The following LIN7A variants were observed in gnomAD, a reference collection of about 807,000 sequenced individuals.
LIN7A encodes the protein lin-7 cell polarity scaffold A.
LIN7A carries 25 observed loss-of-function variants against 29.8 expected under a neutral mutation model. The ratio of observed to expected loss-of-function variants is 0.84; its 90% CI spans 0.61 to 1.17. The LOEUF is 1.17. Ranked by LOEUF, LIN7A falls within the 50% of genes most tolerant of loss-of-function variation. The probability of loss-of-function intolerance (pLI) is 0.00; values close to 1 mark genes in which losing one functional copy is unlikely to be tolerated. For synonymous variants in LIN7A, 118 were observed against 107.5 expected, an observed-to-expected ratio of 1.10 and a Z score of -0.60; for missense variants, 239 against 287.0, an observed-to-expected ratio of 0.83 and a Z score of 1.21.
intron 2 of LIN7A, among the ~76,000 whole-genome samples, chr12:80,856,737 A>G (rs1259062912): frequency 6.6e-6 from 1 of 152,176 alleles, no homozygotes; most frequent in Non-Finnish European, 1.5e-5. Context: ...TCTTCAAGAA[A>G]CAAAATCAGC....
intron 2 of LIN7A, among the ~76,000 whole-genome samples, chr12:80,869,765 T>A (rs1353810676): frequency 6.6e-6 from 1 of 152,160 alleles, no homozygotes; most frequent in Non-Finnish European, 1.5e-5. Flanking sequence ...TTTTTTTCTT[T>A]TTTTGCAAAT....
At chr12:80,868,779 A>G (rs7310349) in intron 2 of LIN7A, among the ~76,000 whole-genome samples, 52,445 of 152,090 alleles carry the variant, frequency 0.34, 10,618 homozygotes, top group African/African-American at 0.57. Context: ...AACTGAAGAT[A>G]AACTATGTAG....
intron 4 of LIN7A, among the ~76,000 whole-genome samples, chr12:80,817,555 ACAT>A (rs1871594787): frequency 6.6e-6 from 1 of 152,198 alleles, no homozygotes. Context: ...CTCCTAAAAA[ACAT>A]CAGTCATTCC....
At chr12:80,842,516 T>A (rs766078461) in intron 4 of LIN7A, among the ~76,000 whole-genome samples, 8 of 152,178 alleles carry the variant, frequency 5.3e-5, no homozygotes, top group Non-Finnish European at 1.2e-4. Context: ...TAGAATGGCA[T>A]GTTCTGAAAA....
Position 80,793,321 on chromosome 12 carries a change from T to C in LIN7A, c.*4406A>G, listed in dbSNP as rs1870293298. On this transcript the variant is annotated 3_prime_UTR_variant, in exon 6 of 6. Coordinates refer to ENST00000552864, the MANE Select transcript of LIN7A (RefSeq NM_004664.4). Reference sequence around the variant, plus strand: ...AAATGTTAGTTATGAATAAATTACTTACCTACCTCACTGGGGTATAACCGT... The same window carrying C: ...AAATGTTAGTTATGAATAAATTACTCACCTACCTCACTGGGGTATAACCGT... 1 of 152,220 alleles carries C rather than the reference T, an allele frequency of 6.6e-6. No individual in the cohort carries two copies. The highest frequency in any genetic ancestry group is 6.5e-5 in the Admixed American group (1 of 15,288). 9.4% of individuals were successfully genotyped at this position (152,220 alleles called of 1,614,324 possible). A position where few individuals can be genotyped will look rare whatever the true frequency, so the allele number is the denominator to read the frequency against.
At chr12:80,877,290 T>C (rs1327953087) in intron 2 of LIN7A, among the ~76,000 whole-genome samples, 1 of 152,054 alleles carries the variant, frequency 6.6e-6, no homozygotes, top group Non-Finnish European at 1.5e-5. Context: ...TGTCCATCTA[T>C]AAGAGACAGT....
chr12:80,914,815 A>T (rs1399656481), intron 1 of LIN7A, among the ~76,000 whole-genome samples: 2 of 152,122 alleles, frequency 1.3e-5, no homozygotes, highest in African/African-American at 2.4e-5. Context: ...CTGAGGTAAG[A>T]GGATCTCTTG....
chr12:80,897,474 T>G (rs1231272183), intron 1 of LIN7A, among the ~76,000 whole-genome samples: 3 of 152,164 alleles, frequency 2.0e-5, no homozygotes, highest in East Asian at 3.8e-4. Flanking sequence ...CTCCTATCAA[T>G]TTTGGTGTCC....
At chr12:80,899,812 A>G in intron 1 of LIN7A, among the ~76,000 whole-genome samples, 1 of 113,812 alleles carries the variant, frequency 8.8e-6, no homozygotes, top group South Asian at 3.0e-4. Flanking sequence ...TCTGTTGCCC[A>G]GGCTGGAGTG....
At chr12:80,860,751 C>G (rs1418132560) in intron 2 of LIN7A, among the ~76,000 whole-genome samples, 1 of 152,226 alleles carries the variant, frequency 6.6e-6, no homozygotes, top group Non-Finnish European at 1.5e-5. Context: ...TGCAGATACT[C>G]TTGATGCCCA....
intron 1 of LIN7A, among the ~76,000 whole-genome samples, chr12:80,936,059 G>A (rs1373084914): frequency 6.6e-6 from 1 of 152,108 alleles, no homozygotes; most frequent in East Asian, 1.9e-4. Flanking sequence ...GACAATATAA[G>A]AGCTCATTAC....
intron 1 of LIN7A, among the ~76,000 whole-genome samples, chr12:80,892,190 T>C (rs1307712181): frequency 1.3e-5 from 2 of 152,208 alleles, no homozygotes. Flanking sequence ...AAACAAAATA[T>C]CTCATTCATT....
At chr12:80,833,636 G>A (rs751105660) in intron 4 of LIN7A, among the ~76,000 whole-genome samples, 3 of 152,166 alleles carry the variant, frequency 2.0e-5, no homozygotes, top group Non-Finnish European at 2.9e-5. Flanking sequence ...CTTCCATGAT[G>A]TGGCTCAAGC....
intron 4 of LIN7A, among the ~76,000 whole-genome samples, chr12:80,838,662 C>T (rs1365831632): frequency 6.6e-6 from 1 of 152,182 alleles, no homozygotes; most frequent in African/African-American, 2.4e-5. Context: ...TAAACAGTCC[C>T]CCACTCAGCT....
intron 5 of LIN7A, among the ~76,000 whole-genome samples, chr12:80,803,131 G>A (rs577777187): frequency 6.6e-6 from 1 of 152,174 alleles, no homozygotes; most frequent in Admixed American, 6.5e-5. Flanking sequence ...AAGCTGTTTA[G>A]TTGGGTAGAA....
chr12:80,839,625 A>G (rs1384612977), intron 4 of LIN7A, among the ~76,000 whole-genome samples: 1 of 152,236 alleles, frequency 6.6e-6, no homozygotes, highest in Non-Finnish European at 1.5e-5. Context: ...GTTCCGACAC[A>G]GATAAATAAG....
intron 2 of LIN7A, among the ~76,000 whole-genome samples, chr12:80,849,350 C>T (rs950049984): frequency 3.3e-5 from 5 of 152,092 alleles, no homozygotes; most frequent in African/African-American, 1.2e-4. Flanking sequence ...ACAGCCTTTC[C>T]AAAAATAAAT....
chr12:80,864,440 T>C (rs1874037886), intron 2 of LIN7A, among the ~76,000 whole-genome samples: 1 of 152,220 alleles, frequency 6.6e-6, no homozygotes. Flanking sequence ...TTTGAATTTT[T>C]TGTTTTGAAA....
At chr12:80,870,088 C>T (rs1874352310) in intron 2 of LIN7A, among the ~76,000 whole-genome samples, 1 of 152,210 alleles carries the variant, frequency 6.6e-6, no homozygotes, top group Admixed American at 6.5e-5. Flanking sequence ...TCCCTAATTC[C>T]TAATAGAGTG....
Sources: allele counts gnomAD v4.1 joint callset (sites outside exome capture counted in the v4.1 genomes callset), GRCh38; gene constraint gnomAD v4.1.1; transcripts MANE v1.5; gene names NCBI Gene and HGNC (gene_info 2026-07-23, HGNC 2026-07-21).